Variants in FAM135A observed in about 807,000 individuals in gnomAD.
The protein encoded by FAM135A is protein FAM135A.
Under a neutral mutation model 146.8 loss-of-function variants are expected in FAM135A, and 79 were observed. The ratio of observed to expected loss-of-function variants is 0.54; its 90% CI spans 0.45 to 0.65. FAM135A has a LOEUF of 0.65. Ranked by LOEUF, FAM135A falls within the 30% of genes least tolerant of loss-of-function variation. The pLI is 0.00. For missense variants in FAM135A, 1,623 were observed against 1,758.2 expected, an observed-to-expected ratio of 0.92 and a Z score of 1.38; for synonymous variants, 562 against 603.6, an observed-to-expected ratio of 0.93 and a Z score of 1.01.
At chr6:70,507,642 G>A (rs1316702355) in intron 12 of FAM135A, among the ~76,000 whole-genome samples, 8 of 152,120 alleles carry the variant, frequency 5.3e-5, no homozygotes, top group Non-Finnish European at 1.0e-4. Context: ...GATCCAGTAA[G>A]TTCAGGTTTT....
Position 70,526,080 on chromosome 6 carries a change from A to AT in FAM135A, c.2997dup (p.Ser1000Ter). ...AGTGAAGATAGAACTATGAAAAAAA[A>AT]TAGTGATGTATTAAATCTCACACAG... On this transcript the variant is annotated frameshift_variant, in exon 15 of 22. Transcript: ENST00000418814. LOFTEE classifies it high-confidence loss of function. 6.2e-7 allele frequency: 1 copy of AT among 1,613,094 alleles called. No individual in the cohort carries two copies. The highest frequency in any genetic ancestry group is 8.5e-7 in the Non-Finnish European group (1 of 1,179,562).
chr6:70,537,930 G>C (rs1002088561), intron 19 of FAM135A, among the ~76,000 whole-genome samples: 2 of 151,972 alleles, frequency 1.3e-5, no homozygotes, highest in Admixed American at 1.3e-4. Context: ...ATAGGCATTT[G>C]ACTTACTACT....
chr6:70,425,062 C>T (rs1769739741), intron 2 of FAM135A, among the ~76,000 whole-genome samples: 2 of 149,466 alleles, frequency 1.3e-5, no homozygotes, highest in South Asian at 4.2e-4. Flanking sequence ...ATATTTTAAG[C>T]ATTATGCTAT....
At chr6:70,478,552 G>A (rs905963617) in intron 8 of FAM135A, among the ~76,000 whole-genome samples, 4 of 152,088 alleles carry the variant, frequency 2.6e-5, no homozygotes, top group African/African-American at 9.7e-5. Context: ...ATTGACCACA[G>A]GTAATAACCT....
intron 3 of FAM135A, among the ~76,000 whole-genome samples, chr6:70,427,533 CAA>C (rs55796657): frequency 8.3e-4 from 71 of 85,484 alleles, no homozygotes; most frequent in Admixed American, 2.4e-3. Context: ...CTCTGTCTCA[CAA>C]AAAAAAAAAA....
chr6:70,445,360 C>T (rs976382103), intron 4 of FAM135A, among the ~76,000 whole-genome samples: 11 of 138,300 alleles, frequency 8.0e-5, no homozygotes, highest in South Asian at 2.2e-4. Context: ...TGGTTTCTGC[C>T]GTCTTGGTCA....
chr6:70,524,117 T>C lies in FAM135A; in HGVS notation c.1254T>C (p.Thr418=). The C allele has an allele frequency of 1.2e-6, 2 of 1,608,202 alleles. No homozygotes were observed. Among genetic ancestry groups the C allele is most frequent in the South Asian group, 1.1e-5 (1 of 90,566 alleles). ...IFEDRYLDSV[T]EDLDAPWMGI... is the part of the protein sequence containing the mutation. Reference sequence around the variant, plus strand: ...AAGATAGGTATTTAGATTCAGTTACTGAAGGTAAGTGTAATCTAACTAAAA... The same window carrying C: ...AAGATAGGTATTTAGATTCAGTTACCGAAGGTAAGTGTAATCTAACTAAAA... The change falls in exon 14 of 22, where the codon ACT becomes ACC. Residue 418 remains threonine, a synonymous_variant. Coordinates refer to ENST00000418814, the MANE Select transcript of FAM135A (RefSeq NM_001162529.3).
At chr6:70,417,745 A>G in intron 2 of FAM135A, 1 of 418,768 alleles carries the variant, frequency 2.4e-6, no homozygotes, top group Non-Finnish European at 3.2e-6. Flanking sequence ...TGCTATCTAT[A>G]AATGTCTAAG....
chr6:70,419,114 A>G (rs1156317700), intron 2 of FAM135A, among the ~76,000 whole-genome samples: 2 of 152,220 alleles, frequency 1.3e-5, no homozygotes, highest in African/African-American at 4.8e-5. Context: ...AGCATTCTCA[A>G]GATTTCTAAG....
rs1317060387 is a variant in FAM135A at position 70,526,608 on chromosome 6, A to T, written c.3524A>T (p.Asp1175Val). 2.5e-6 allele frequency: 4 copies of T among 1,613,362 alleles called. No individual in the cohort carries two copies. The East Asian group carries it at 6.7e-5, about 27-fold the overall frequency. ...AAATATTCTTCCAAAAGTAAATTTG[A>T]TGCCATTACAAAGCAGCCAAGCAGT... ...NVKYSSKSKF[D>V]AITKQPSSTS... The change falls in exon 15 of 22, where the codon GAT becomes GTT. Residue 1175 changes from aspartate (D) to valine (V), a missense_variant. This residue lies in a region of FAM135A where 1,061 missense variants were observed against 1,113.8 expected (regional missense o/e 0.95). Transcript: ENST00000418814.
At chr6:70,431,458 A>G (rs950892764) in intron 4 of FAM135A, among the ~76,000 whole-genome samples, 3 of 152,170 alleles carry the variant, frequency 2.0e-5, no homozygotes, top group African/African-American at 7.2e-5. Context: ...TGGACAAGGC[A>G]TGGGTCCACA....
rs546674936 is a variant in FAM135A, at chr6:70,450,716, G to GTTTTTTTTT, written c.78-1742_78-1734dup. On this transcript the variant is annotated intron_variant, in intron 4 of 21. Transcript: ENST00000418814. ...CTCAGGGAGTGTGACCCTTTTAGTT[G>GTTTTTTTTT]TTTTTTTTTTTTTTTTTTTTTTTTT... Among the ~76,000 whole-genome samples the GTTTTTTTTT allele has an allele frequency of 2.3e-3, 65 of 28,348 alleles. 23 individuals are homozygous for GTTTTTTTTT. Among genetic ancestry groups the GTTTTTTTTT allele is most frequent in the East Asian group, 7.8e-3 (5 of 640 alleles). The allele number at this position is 28,348 out of a possible 152,430, so 18.6% of individuals were successfully genotyped here.
At chr6:70,490,671 G>A (rs1314848460) in intron 10 of FAM135A, among the ~76,000 whole-genome samples, 1 of 151,970 alleles carries the variant, frequency 6.6e-6, no homozygotes, top group Non-Finnish European at 1.5e-5. Flanking sequence ...CAAGGCATAT[G>A]TATATATAAC....
chr6:70,463,252 C>T (rs1203113958), intron 5 of FAM135A, among the ~76,000 whole-genome samples: 7 of 151,890 alleles, frequency 4.6e-5, no homozygotes, highest in Non-Finnish European at 1.0e-4. Flanking sequence ...CTGTCATAGT[C>T]CTTTTTCTTT....
At chr6:70,536,860 G>A (rs1796885529) in intron 19 of FAM135A, among the ~76,000 whole-genome samples, 1 of 151,256 alleles carries the variant, frequency 6.6e-6, no homozygotes, top group African/African-American at 2.4e-5. Flanking sequence ...AATTTCTGAA[G>A]AAGTTAATAT....
At chr6:70,540,349 G>T (rs1257903039) in intron 20 of FAM135A, among the ~76,000 whole-genome samples, 2 of 132,388 alleles carry the variant, frequency 1.5e-5, no homozygotes, top group Non-Finnish European at 3.1e-5. Flanking sequence ...TTTTGAGACG[G>T]AGTCTCGCTC....
intron 20 of FAM135A, among the ~76,000 whole-genome samples, chr6:70,541,299 ACAGT>A (rs910728046): frequency 1.3e-5 from 2 of 152,094 alleles, no homozygotes; most frequent in African/African-American, 4.8e-5. Context: ...TTTTGAAAGA[ACAGT>A]CACTTTATTA....
At chr6:70,424,025 T>A (rs1209850385) in intron 2 of FAM135A, among the ~76,000 whole-genome samples, 1 of 152,180 alleles carries the variant, frequency 6.6e-6, no homozygotes, top group African/African-American at 2.4e-5. Flanking sequence ...ATGAAAAAAC[T>A]CTTTTCATGA....
At chr6:70,485,737 C>A (rs551728320) in intron 10 of FAM135A, among the ~76,000 whole-genome samples, 1 of 152,070 alleles carries the variant, frequency 6.6e-6, no homozygotes, top group Non-Finnish European at 1.5e-5. Context: ...TCTCTTTTCT[C>A]CCAGATGAAT....
Sources: allele counts gnomAD v4.1 joint callset (sites outside exome capture counted in the v4.1 genomes callset), GRCh38; gene constraint gnomAD v4.1.1; regional missense constraint gnomAD v4.1.1; transcripts MANE v1.5; gene names NCBI Gene and HGNC (gene_info 2026-07-23, HGNC 2026-07-21).